ESCO1: variants seen among roughly 807,000 people sequenced by gnomAD.
ESCO1 encodes establishment of sister chromatid cohesion N-acetyltransferase 1.
In ESCO1, 33 loss-of-function variants were observed where a neutral mutation model predicts 83.5. The observed-to-expected ratio is 0.40, with a 90% confidence interval of 0.30 to 0.53. The LOEUF (loss-of-function observed/expected upper bound fraction) is 0.53, where lower values mean the gene tolerates loss of function less well. Ranked by LOEUF, ESCO1 falls within the 20% of genes least tolerant of loss-of-function variation. The probability of loss-of-function intolerance (pLI) is 0.63; values close to 1 mark genes in which losing one functional copy is unlikely to be tolerated. For missense variants in ESCO1, 855 were observed against 968.0 expected (o/e 0.88, Z 1.55); for synonymous variants, 332 against 324.3 (o/e 1.02, Z -0.25).
At chr18:21,543,299 C>T (rs1454291971) in intron 8 of ESCO1, among the ~76,000 whole-genome samples, 1 of 152,180 alleles carries the variant, frequency 6.6e-6, no homozygotes, top group Non-Finnish European at 1.5e-5. Context: ...GGATCACAGG[C>T]ATGTGCCACC....
At chr18:21,592,656 C>T (rs2038695247) in intron 1 of ESCO1, among the ~76,000 whole-genome samples, 1 of 151,348 alleles carries the variant, frequency 6.6e-6, no homozygotes, top group African/African-American at 2.4e-5. Context: ...GCGGGCTGAC[C>T]CCCACCTCCC....
At chr18:21,569,577 C>A (rs111637387) in intron 4 of ESCO1, among the ~76,000 whole-genome samples, 23,840 of 152,198 alleles carry the variant, frequency 0.16, 2,044 homozygotes, top group Middle Eastern at 0.26. Context: ...GAAACCCCGT[C>A]TCTACTAAAA....
At chr18:21,569,468 G>A (rs951500145) in intron 4 of ESCO1, among the ~76,000 whole-genome samples, 7 of 152,148 alleles carry the variant, frequency 4.6e-5, no homozygotes, top group Non-Finnish European at 1.0e-4. Context: ...GCGTGAGGCC[G>A]GGCATGGTGG....
chr18:21,594,690 C>G (rs933816161), intron 1 of ESCO1, among the ~76,000 whole-genome samples: 1 of 123,926 alleles, frequency 8.1e-6, no homozygotes, highest in Non-Finnish European at 1.7e-5. Flanking sequence ...TGCAACTGAG[C>G]GAGACTCCAT....
intron 8 of ESCO1, among the ~76,000 whole-genome samples, chr18:21,552,920 T>C (rs758687119): frequency 2.6e-4 from 40 of 152,302 alleles, no homozygotes; most frequent in Middle Eastern, 3.4e-3. Flanking sequence ...ACATTTTAAG[T>C]ATACCAAAGG....
At chr18:21,557,116 A>G (rs1209031334) in intron 8 of ESCO1, among the ~76,000 whole-genome samples, 3 of 152,068 alleles carry the variant, frequency 2.0e-5, no homozygotes. Flanking sequence ...TGCCATTGAA[A>G]TATTACTTCT....
intron 1 of ESCO1, among the ~76,000 whole-genome samples, chr18:21,600,001 C>T (rs550131422): frequency 9.8e-5 from 15 of 152,316 alleles, no homozygotes; most frequent in African/African-American, 3.4e-4. Context: ...CTACCTGTGC[C>T]GAGACCCCCA....
chr18:21,573,456 A>G lies in ESCO1; in HGVS notation c.1388T>C (p.Val463Ala), dbSNP rs1401917638. Residue 463 changes from valine (V) to alanine (A), a missense_variant, in exon 4 of 12, where the codon GTG becomes GCG. Physicochemically the swap from Val to Ala is moderately conservative, Grantham distance 64 (BLOSUM62 0). Around this residue, in one of 2 missense-constraint regions of ESCO1, gnomAD observed 726 missense variants for 699.5 expected, o/e 1.04. Coordinates refer to ENST00000269214, the MANE Select transcript of ESCO1 (RefSeq NM_052911.3). ...EKMKEINSEE[V>A]KINDITVEIN... ...TTCTACTGTAATATCATTAATTTTC[A>G]CTTCTTCAGAATTAATTTCTTTCAT... The G allele has an allele frequency of 6.2e-7, 1 of 1,611,974 alleles. No individual in the cohort carries two copies. Among genetic ancestry groups the G allele is most frequent in the South Asian group, 1.1e-5 (1 of 90,304 alleles).
At chr18:21,538,313 A>G (rs1266342255) in intron 9 of ESCO1, among the ~76,000 whole-genome samples, 1 of 151,112 alleles carries the variant, frequency 6.6e-6, no homozygotes, top group Non-Finnish European at 1.5e-5. Context: ...AAAAAAAGTT[A>G]TAATTGGATT....
Position 21,580,253 on chromosome 18 carries a change from CTT to C in ESCO1, c.-694+4055_-694+4056del, listed in dbSNP as rs373081005. Among the ~76,000 whole-genome samples, 181 of 152,034 alleles carry C rather than the reference CTT, an allele frequency of 1.2e-3. 1 individual carries two copies. In the East Asian group the frequency reaches 0.028, roughly 24 times the overall value. ...TTTCTGCTGGCAATGAGGAAAAAAA[CTT>C]TTTAATTTTTAAAAAACCTATCATA... On this transcript the variant is annotated intron_variant, in intron 2 of 11. Transcript: ENST00000269214.
chr18:21,568,212 C>T (rs943211801), intron 4 of ESCO1, 118 bp from the exon 5 acceptor site: 1 of 704,100 alleles, frequency 1.4e-6, no homozygotes, highest in South Asian at 1.8e-5. Context: ...GCAATTAATA[C>T]AGACATGAAG....
At chr18:21,555,488 G>C (rs1322436460) in intron 8 of ESCO1, among the ~76,000 whole-genome samples, 1 of 152,142 alleles carries the variant, frequency 6.6e-6, no homozygotes, top group Non-Finnish European at 1.5e-5. Flanking sequence ...AGTGAGGGAG[G>C]CTATACACGT....
At chr18:21,533,955 A>G (rs1166397505) in intron 10 of ESCO1, among the ~76,000 whole-genome samples, 2 of 152,148 alleles carry the variant, frequency 1.3e-5, no homozygotes, top group Non-Finnish European at 2.9e-5. Context: ...CCCATGCTGG[A>G]GTGCAGTGGC....
At chr18:21,587,661 G>A (rs2038600692) in intron 1 of ESCO1, among the ~76,000 whole-genome samples, 1 of 152,056 alleles carries the variant, frequency 6.6e-6, no homozygotes, top group Admixed American at 6.6e-5. Flanking sequence ...AAGTAGCCAG[G>A]TGTAGTAGCT....
At position 21,573,971 on chromosome 18, in the gene ESCO1, C is replaced by T. The variant is rs1180320283; in HGVS notation, c.873G>A (p.Glu291=). Residue 291 remains glutamate, a synonymous_variant, in exon 4 of 12, where the codon GAG becomes GAA. Transcript: ENST00000269214. ...GTTTGCTCTTTCCTGCTTGCTCCAG[C>T]TCATTATCACTTTGTTCAGGCACTG... is the stretch of plus-strand genomic sequence containing the variant. ...QPSVPEQSDN[E]LEQAGKSKRG... 6.2e-7 allele frequency: 1 copy of T among 1,613,932 alleles called. No homozygotes were observed. The highest frequency in any genetic ancestry group is 2.2e-5 in the East Asian group (1 of 44,860).
intron 1 of ESCO1, among the ~76,000 whole-genome samples, chr18:21,596,698 G>T (rs952136257): frequency 6.6e-6 from 1 of 152,128 alleles, no homozygotes; most frequent in African/African-American, 2.4e-5. Flanking sequence ...AGCTAGGCAT[G>T]ATGGCAGGTG....
At position 21,536,174 on chromosome 18, in the gene ESCO1, A is replaced by G. The variant is rs1442349984; in HGVS notation, c.2055T>C (p.Ile685=). The G allele has an allele frequency of 3.1e-6, 5 of 1,611,730 alleles. No individual in the cohort carries two copies. Among genetic ancestry groups the G allele is most frequent in the Non-Finnish European group, 3.4e-6 (4 of 1,179,308 alleles). ...CTAAATCATTGTCAACCATCTCTCT[A>G]ATCTCGTCAACCTGCCAAATAAAGA... The part of the protein sequence containing the change: ...PKYALKKVDE[I]REMVDNDLGF... Residue 685 remains isoleucine (I), a synonymous_variant, in exon 10 of 12, where the codon ATT becomes ATC. Coordinates refer to ENST00000269214, the MANE Select transcript of ESCO1 (RefSeq NM_052911.3).
chr18:21,574,779 T>C lies in ESCO1; in HGVS notation c.65A>G (p.Lys22Arg). ...ATCCTGAATTTCTGTTTCTGAATTC[T>C]TATCGTCACTTTTTTTAGTAACTTT... ...SSKVTKKSDD[K>R]NSETEIQDSQ... Residue 22 changes from lysine (K) to arginine (R), a missense_variant, in exon 4 of 12, where the codon AAG becomes AGG. Lys to Arg is a conservative substitution (Grantham distance 26). This residue lies in a region of ESCO1 where 726 missense variants were observed against 699.5 expected (regional missense o/e 1.04). Coordinates refer to ENST00000269214, the MANE Select transcript of ESCO1 (RefSeq NM_052911.3). The C allele has an allele frequency of 3.7e-6, 6 of 1,603,554 alleles. No individual in the cohort carries two copies. The highest frequency in any genetic ancestry group is 4.2e-6 in the Non-Finnish European group (5 of 1,179,510).
intron 8 of ESCO1, among the ~76,000 whole-genome samples, 173 bp downstream of exon 8, chr18:21,560,686 T>C (rs779915449): frequency 5.3e-5 from 8 of 152,234 alleles, no homozygotes; most frequent in Non-Finnish European, 8.8e-5. Flanking sequence ...AGCTGGTTTT[T>C]ATGTTTGGCT....
Sources: allele counts gnomAD v4.1 joint callset (sites outside exome capture counted in the v4.1 genomes callset), GRCh38; gene constraint gnomAD v4.1.1; regional missense constraint gnomAD v4.1.1; transcripts MANE v1.5; gene names NCBI Gene and HGNC (gene_info 2026-07-23, HGNC 2026-07-21).